CEP78: variants seen among roughly 807,000 people sequenced by gnomAD.
CEP78 encodes the protein centrosomal protein 78, also known as centrosomal protein of 78 kDa.
A neutral mutation model predicts 81.2 loss-of-function variants in CEP78; 76 were observed. That is an observed-to-expected ratio of 0.94 (90% CI 0.78 to 1.13). The LOEUF is 1.13. CEP78 is among the 50% of genes most tolerant of loss of function. CEP78 has a pLI of 0.00. For missense variants in CEP78, 918 were observed against 846.8 expected (o/e 1.08, Z -1.04); for synonymous variants, 293 against 301.4 (o/e 0.97, Z 0.29).
intron 16 of CEP78, among the ~76,000 whole-genome samples, chr9:78,268,500 C>G (rs138702634): frequency 6.6e-6 from 1 of 152,230 alleles, no homozygotes; most frequent in African/African-American, 2.4e-5. Context: ...CATTTTAGAT[C>G]ATTAGCTTTA....
intron 11 of CEP78, among the ~76,000 whole-genome samples, chr9:78,257,777 G>A (rs557339429): frequency 1.1e-4 from 16 of 152,138 alleles, no homozygotes; most frequent in Admixed American, 2.6e-4. Context: ...CACAGCAGTC[G>A]GTGACCACCT....
intron 7 of CEP78, 122 bp downstream of exon 7, chr9:78,248,477 C>T: frequency 1.4e-6 from 1 of 690,418 alleles, no homozygotes; most frequent in South Asian, 1.8e-5. Context: ...CCCTTCCCAG[C>T]TTCCTAGGTA....
In CEP78 at chr9:78,272,762, G is replaced by C. The variant is rs1461996708; in HGVS notation, c.*1911G>C. The stretch of plus-strand genomic sequence containing the variant: ...CAGTTTGCCTTTGGCAGATTGGCTA[G>C]AGGCCCCTATTCAACATCAACCTCA... On this transcript the variant is annotated 3_prime_UTR_variant, in exon 17 of 17. Coordinates refer to ENST00000643273, the MANE Select transcript of CEP78 (RefSeq NM_001330691.3). 2 of 152,226 alleles carry C rather than the reference G, an allele frequency of 1.3e-5. No individual in the cohort carries two copies. The highest frequency in any genetic ancestry group is 2.9e-5 in the Non-Finnish European group (2 of 68,038). The allele number at this position is 152,226 out of a possible 1,614,324, so 9.4% of individuals were successfully genotyped here.
chr9:78,237,360 A>G (rs979639145), intron 1 of CEP78, among the ~76,000 whole-genome samples: 4 of 152,152 alleles, frequency 2.6e-5, no homozygotes, highest in African/African-American at 9.7e-5. Context: ...GTATAGTGGT[A>G]TAATTAGGGA....
At chr9:78,256,678 A>G (rs1235090156) in intron 11 of CEP78, among the ~76,000 whole-genome samples, 3 of 152,002 alleles carry the variant, frequency 2.0e-5, no homozygotes, top group Admixed American at 6.6e-5. Context: ...ATTCTTAAAT[A>G]GAAAATAACC....
At chr9:78,242,479 C>T (rs1254503109) in intron 4 of CEP78, among the ~76,000 whole-genome samples, 11 of 152,132 alleles carry the variant, frequency 7.2e-5, no homozygotes, top group Admixed American at 2.0e-4. Flanking sequence ...ATTAGTTAAC[C>T]GCTCTGTTCC....
intron 1 of CEP78, among the ~76,000 whole-genome samples, chr9:78,236,969 C>CTT (rs71360676): frequency 0.012 from 747 of 62,080 alleles, 163 homozygotes; most frequent in African/African-American, 0.02. Context: ...CAGCCTTTGT[C>CTT]TTTTTTTTTT....
chr9:78,253,497 A>G, intron 10 of CEP78: 3 of 440,250 alleles, frequency 6.8e-6, no homozygotes, highest in Non-Finnish European at 1.2e-5. Flanking sequence ...ACAGGAAGTC[A>G]TTTCTCTGGG....
In CEP78 at chr9:78,251,911, T is replaced by G; in HGVS notation, c.1073T>G (p.Leu358Trp). Residue 358 changes from leucine to tryptophan, a missense_variant, in exon 9 of 17, where the codon TTG (leucine) becomes TGG (tryptophan). Coordinates refer to ENST00000643273, the MANE Select transcript of CEP78 (RefSeq NM_001330691.3). ...CTTTTTAACACTTCTCAAGTAGGAT[T>G]GGCTACAAAGAAACCTGTAAGTAGT... ...HKGKATIRIG[L>W]ATKKPVSSGR... is the part of the protein sequence containing the mutation. The G allele has an allele frequency of 1.9e-6, 3 of 1,605,374 alleles. No homozygotes were observed. Among genetic ancestry groups the G allele is most frequent in the Non-Finnish European group, 2.6e-6 (3 of 1,173,844 alleles).
intron 3 of CEP78, among the ~76,000 whole-genome samples, chr9:78,240,654 G>A (rs1224258629): frequency 1.3e-5 from 2 of 152,094 alleles, no homozygotes; most frequent in Non-Finnish European, 2.9e-5. Context: ...AATATTTATG[G>A]GAAGGAAATA....
chr9:78,248,919 G>GC, intron 8 of CEP78, 46 bp downstream of exon 8: 1 of 923,756 alleles, frequency 1.1e-6, no homozygotes, highest in Non-Finnish European at 1.6e-6. Flanking sequence ...GTGTTCTAGT[G>GC]TGTTAAAATT....
chr9:78,241,651 A>G lies in CEP78; in HGVS notation c.500-45A>G, dbSNP rs374259731. 9.3e-6 allele frequency: 8 copies of G among 861,882 alleles called. No homozygotes were observed. In the Middle Eastern group the frequency reaches 6.8e-4, roughly 73 times the overall value. 53.4% of individuals were successfully genotyped at this position (861,882 alleles called of 1,614,324 possible). A position where few individuals can be genotyped will look rare whatever the true frequency, so the allele number is the denominator to read the frequency against. On this transcript the variant is annotated intron_variant, in intron 3 of 16. Coordinates refer to ENST00000643273, the MANE Select transcript of CEP78 (RefSeq NM_001330691.3). ...AATAAATCAAGACTGACTAGGTTGT[A>G]TATGCTCTTCATCTTATTGTATGTG...
Position 78,276,143 on chromosome 9 carries a change from C to T in CEP78, c.*5292C>T, listed in dbSNP as rs924670772. On this transcript the variant is annotated 3_prime_UTR_variant, in exon 17 of 17. Coordinates refer to ENST00000643273, the MANE Select transcript of CEP78 (RefSeq NM_001330691.3). ...TGCAAAAAATCCAAAATAAAACTAG[C>T]AGTTTGAATTCAGCATTGTAGCAAA... is the stretch of plus-strand genomic sequence containing the variant. The T allele has an allele frequency of 5.3e-5, 8 of 152,120 alleles. No individual in the cohort carries two copies. The highest frequency in any genetic ancestry group is 1.0e-4 in the Non-Finnish European group (7 of 68,014). 9.4% of individuals were successfully genotyped at this position (152,120 alleles called of 1,614,324 possible). A position where few individuals can be genotyped will look rare whatever the true frequency, so the allele number is the denominator to read the frequency against.
intron 4 of CEP78, 37 bp downstream of exon 4, chr9:78,241,836 T>C (rs1826248495): frequency 2.7e-6 from 3 of 1,119,362 alleles, no homozygotes; most frequent in East Asian, 2.4e-5. Flanking sequence ...AAATGTGTTA[T>C]ATGATTGCCA....
At position 78,275,643 on chromosome 9, in the gene CEP78, T is replaced by C. The variant is rs559762238; in HGVS notation, c.*4792T>C. 6.7e-6 allele frequency: 1 copy of C among 148,700 alleles called. No individual in the cohort carries two copies. The highest frequency in any genetic ancestry group is 2.5e-5 in the African/African-American group (1 of 39,846). 9.2% of individuals were successfully genotyped at this position (148,700 alleles called of 1,614,324 possible). On this transcript the variant is annotated 3_prime_UTR_variant, in exon 17 of 17. Coordinates refer to ENST00000643273, the MANE Select transcript of CEP78 (RefSeq NM_001330691.3). The stretch of plus-strand genomic sequence containing the variant: ...AAAAAAAATACAGTTAGAAAAACTT[T>C]AAAGGGGCCAGGTGTGGTGGCTCAT...
chr9:78,267,180 A>G, intron 16 of CEP78: 2 of 536,522 alleles, frequency 3.7e-6, no homozygotes, highest in African/African-American at 2.0e-5. Context: ...ATAGTTTACA[A>G]CATTGATTCA....
rs80027353 is a variant in CEP78 at position 78,277,008 on chromosome 9, G to A, written c.*6157G>A. ...GCTGTTCACACAGGAATAATCACAG[G>A]TATAGAACCGAGAACCTAGGAACAG... is the stretch of plus-strand genomic sequence containing the variant. On this transcript the variant is annotated 3_prime_UTR_variant, in exon 17 of 17. Coordinates refer to ENST00000643273, the MANE Select transcript of CEP78 (RefSeq NM_001330691.3). 6.6e-6 allele frequency: 1 copy of A among 151,932 alleles called. No individual in the cohort carries two copies. Among genetic ancestry groups the A allele is most frequent in the Non-Finnish European group, 1.5e-5 (1 of 67,958 alleles). The allele number at this position is 151,932 out of a possible 1,614,324, so 9.4% of individuals were successfully genotyped here.
intron 8 of CEP78, among the ~76,000 whole-genome samples, chr9:78,251,051 A>G (rs763768425): frequency 2.0e-5 from 3 of 152,232 alleles, no homozygotes; most frequent in Non-Finnish European, 4.4e-5. Context: ...TAATAAAGTT[A>G]TATTATTTGT....
intron 5 of CEP78, among the ~76,000 whole-genome samples, chr9:78,245,053 C>G (rs76269391): frequency 0.021 from 3,192 of 152,174 alleles, 110 homozygotes; most frequent in African/African-American, 0.072. Context: ...TGGATAATTA[C>G]ATCCTATGCT....
Sources: allele counts gnomAD v4.1 joint callset (sites outside exome capture counted in the v4.1 genomes callset), GRCh38; gene constraint gnomAD v4.1.1; transcripts MANE v1.5; gene names NCBI Gene and HGNC (gene_info 2026-07-23, HGNC 2026-07-21).